LYPD6: variants seen among roughly 807,000 people sequenced by gnomAD.
LYPD6 encodes LY6/PLAUR domain containing 6, also known as ly6/PLAUR domain-containing protein 6.
LYPD6 carries 15 observed loss-of-function variants against 22.7 expected under a neutral mutation model. The ratio of observed to expected loss-of-function variants is 0.66; its 90% CI spans 0.44 to 1.02. LYPD6 has a LOEUF of 1.02. LYPD6 is among the 50% of genes least tolerant of loss of function. LYPD6 has a pLI of 0.00. For synonymous variants in LYPD6, 72 were observed against 77.5 expected (o/e 0.93, Z 0.37); for missense variants, 189 against 208.4 (o/e 0.91, Z 0.57).
Position 149,470,906 on chromosome 2 carries a change from G to T in LYPD6, c.*56G>T. 6.7e-7 allele frequency: 1 copy of T among 1,502,152 alleles called. No individual in the cohort carries two copies. The highest frequency in any genetic ancestry group is 1.2e-5 in the South Asian group (1 of 83,498). The allele number at this position is 1,502,152 out of a possible 1,614,324, so 93.1% of individuals were successfully genotyped here. On this transcript the variant is annotated 3_prime_UTR_variant, in exon 5 of 5. Transcript: ENST00000334166. ...TCCATGGGGATCTCGATGGTCCACA[G>T]ACCTGCATGAGTCATTGGCCTGACA...
At position 149,471,959 on chromosome 2, in the gene LYPD6, T is replaced by A. The variant is rs1681345711; in HGVS notation, c.*1109T>A. On this transcript the variant is annotated 3_prime_UTR_variant, in exon 5 of 5. Coordinates refer to ENST00000334166, the MANE Select transcript of LYPD6 (RefSeq NM_194317.5). ...GGAGAAAGTAGACCAGTGAGGTGAT[T>A]GCAAGACTAACAAGGAGACTCAATG... The A allele has an allele frequency of 6.6e-6, 1 of 152,646 alleles. No individual in the cohort carries two copies. Among genetic ancestry groups the A allele is most frequent in the South Asian group, 2.1e-4 (1 of 4,832 alleles). 9.5% of individuals were successfully genotyped at this position (152,646 alleles called of 1,614,324 possible). A position where few individuals can be genotyped will look rare whatever the true frequency, so the allele number is the denominator to read the frequency against.
intron 2 of LYPD6, among the ~76,000 whole-genome samples, chr2:149,445,123 A>C (rs750179609): frequency 6.6e-6 from 1 of 152,192 alleles, no homozygotes; most frequent in Non-Finnish European, 1.5e-5. Flanking sequence ...ACAGCTCTTG[A>C]GTGACCAGCT....
intron 3 of LYPD6, among the ~76,000 whole-genome samples, chr2:149,456,545 A>G (rs909914151): frequency 1.3e-5 from 2 of 152,162 alleles, no homozygotes; most frequent in Non-Finnish European, 2.9e-5. Flanking sequence ...ATATTTGGAA[A>G]TAGTTTTTAG....
intron 1 of LYPD6, among the ~76,000 whole-genome samples, chr2:149,403,179 C>A (rs1252351769): frequency 6.6e-6 from 1 of 152,078 alleles, no homozygotes; most frequent in South Asian, 2.1e-4. Flanking sequence ...TGAATAGTGC[C>A]GCAGTAAACA....
intron 1 of LYPD6, among the ~76,000 whole-genome samples, chr2:149,352,226 G>A (rs1358185759): frequency 2.0e-5 from 3 of 152,182 alleles, no homozygotes; most frequent in Middle Eastern, 3.2e-3. Context: ...TGCCATATCC[G>A]ATAGTTGTCT....
intron 1 of LYPD6, among the ~76,000 whole-genome samples, chr2:149,424,514 A>C (rs1054639595): frequency 1.3e-5 from 2 of 152,238 alleles, no homozygotes; most frequent in African/African-American, 4.8e-5. Context: ...GTCAAAATAC[A>C]AAGCCCATTC....
In LYPD6 at chr2:149,443,741, A is replaced by G. The variant is rs188698325; in HGVS notation, c.119-5308A>G. On this transcript the variant is annotated intron_variant, in intron 2 of 4. Coordinates refer to ENST00000334166, the MANE Select transcript of LYPD6 (RefSeq NM_194317.5). ...TTTGTTTTTGTTTTTTTAATTCTTC[A>G]GCCATGTACAGGAATACCTTAGAGA... Among the ~76,000 whole-genome samples, 1,156 of 152,154 alleles carry G rather than the reference A, an allele frequency of 7.6e-3. 14 individuals carry two copies. The highest frequency in any genetic ancestry group is 0.026 in the African/African-American group (1,078 of 41,496).
chr2:149,352,910 C>T (rs1033632669), intron 1 of LYPD6, among the ~76,000 whole-genome samples: 12 of 152,188 alleles, frequency 7.9e-5, no homozygotes, highest in East Asian at 7.7e-4. Flanking sequence ...TGTGAACTTT[C>T]GGTTGGGCCT....
chr2:149,429,329 T>G (rs1353629215), intron 1 of LYPD6, among the ~76,000 whole-genome samples: 1 of 152,130 alleles, frequency 6.6e-6, no homozygotes, highest in Non-Finnish European at 1.5e-5. Context: ...GAGGACCTGA[T>G]GAGAATAAAA....
chr2:149,445,842 A>G (rs1683675619), intron 2 of LYPD6, among the ~76,000 whole-genome samples: 1 of 152,196 alleles, frequency 6.6e-6, no homozygotes, highest in African/African-American at 2.4e-5. Flanking sequence ...AGCACTTTTA[A>G]CTTCCTTCAA....
intron 1 of LYPD6, among the ~76,000 whole-genome samples, chr2:149,404,864 G>C (rs1162046802): frequency 6.6e-6 from 1 of 152,178 alleles, no homozygotes; most frequent in South Asian, 2.1e-4. Flanking sequence ...GATATTGGCT[G>C]TGGGTTTGTC....
chr2:149,373,969 G>A (rs1291365380), intron 1 of LYPD6, among the ~76,000 whole-genome samples: 1 of 152,168 alleles, frequency 6.6e-6, no homozygotes, highest in Non-Finnish European at 1.5e-5. Flanking sequence ...GATTTTTAAA[G>A]AGGTCATTTT....
chr2:149,404,984 G>A (rs1682662398), intron 1 of LYPD6, among the ~76,000 whole-genome samples: 2 of 152,118 alleles, frequency 1.3e-5, no homozygotes, highest in Non-Finnish European at 2.9e-5. Context: ...TGCATCTATT[G>A]AGATAATCAT....
In LYPD6 at chr2:149,471,082, A is replaced by G. The variant is rs1681324252; in HGVS notation, c.*232A>G. Reference sequence around the variant, plus strand: ...TCTGTCAGTACAGCCCAAGTTCCATACCATAAACGTTTGTTTTCATTCCAA... The same window carrying G: ...TCTGTCAGTACAGCCCAAGTTCCATGCCATAAACGTTTGTTTTCATTCCAA... On this transcript the variant is annotated 3_prime_UTR_variant, in exon 5 of 5. Coordinates refer to ENST00000334166, the MANE Select transcript of LYPD6 (RefSeq NM_194317.5). 2.5e-6 allele frequency: 1 copy of G among 400,852 alleles called. No homozygotes were observed. The highest frequency in any genetic ancestry group is 2.0e-5 in the African/African-American group (1 of 50,296). 24.8% of individuals were successfully genotyped at this position (400,852 alleles called of 1,614,324 possible).
chr2:149,475,054 T>C (rs796426879), downstream of LYPD6, among the ~76,000 whole-genome samples: 1 of 152,308 alleles, frequency 6.6e-6, no homozygotes, highest in African/African-American at 2.4e-5. Context: ...AATTCTTCAC[T>C]TTATAAATGT....
chr2:149,402,878 C>A (rs190504737), intron 1 of LYPD6, among the ~76,000 whole-genome samples: 1 of 133,348 alleles, frequency 7.5e-6, no homozygotes, highest in South Asian at 2.9e-4. Flanking sequence ...TATCCCTCCC[C>A]CCTCCCCCAA....
intron 1 of LYPD6, among the ~76,000 whole-genome samples, chr2:149,376,601 T>C (rs915153357): frequency 6.6e-6 from 1 of 152,238 alleles, no homozygotes; most frequent in African/African-American, 2.4e-5. Context: ...TATTGCAATT[T>C]AATATAAAAT....
chr2:149,349,957 T>C (rs1041147541), intron 1 of LYPD6, among the ~76,000 whole-genome samples: 5 of 152,138 alleles, frequency 3.3e-5, no homozygotes, highest in Non-Finnish European at 7.3e-5. Context: ...AAAAAAAATA[T>C]ATATGCTATG....
At chr2:149,394,734 G>A (rs1448467738) in intron 1 of LYPD6, among the ~76,000 whole-genome samples, 2 of 151,998 alleles carry the variant, frequency 1.3e-5, no homozygotes, top group Non-Finnish European at 2.9e-5. Context: ...ATTGTACATA[G>A]CTTTTAAAAG....
Sources: allele counts gnomAD v4.1 joint callset (sites outside exome capture counted in the v4.1 genomes callset), GRCh38; gene constraint gnomAD v4.1.1; transcripts MANE v1.5; gene names NCBI Gene and HGNC (gene_info 2026-07-23, HGNC 2026-07-21).